CA10: variants seen among roughly 807,000 people sequenced by gnomAD.
The protein encoded by CA10 is carbonic anhydrase 10 (inactive).
CA10 carries 14 observed loss-of-function variants against 44.2 expected under a neutral mutation model. That is an observed-to-expected ratio of 0.32 (90% CI 0.21 to 0.50). The LOEUF is 0.50. Among genes scored for constraint, CA10 ranks in the 20% least tolerant of loss-of-function variants. The pLI, the probability that CA10 is intolerant of heterozygous loss-of-function variation, is 0.99. For synonymous variants in CA10, 159 were observed against 141.6 expected (o/e 1.12, Z -0.87); for missense variants, 350 against 409.7 (o/e 0.85, Z 1.26).
chr17:51,660,706 T>C (rs1913972275), intron 4 of CA10, among the ~76,000 whole-genome samples: 1 of 152,164 alleles, frequency 6.6e-6, no homozygotes, highest in South Asian at 2.1e-4. Context: ...AGACCACACG[T>C]GGCGTTCACA....
chr17:51,784,389 A>G (rs535123529), intron 3 of CA10, among the ~76,000 whole-genome samples: 1 of 152,340 alleles, frequency 6.6e-6, no homozygotes, highest in East Asian at 1.9e-4. Context: ...TTTGGAAATT[A>G]GGGAGGTTTA....
At position 52,000,133 on chromosome 17, in the gene CA10, G is replaced by A. The variant is rs557453249; in HGVS notation, c.137-69001C>T. 2.6e-5 allele frequency among the ~76,000 whole-genome samples: 4 copies of A among 152,180 alleles called. No individual in the cohort carries two copies. The South Asian group carries it at 8.3e-4, about 32-fold the overall frequency. ...ATAATCATAAGCTAAATTAACAGGT[G>A]ATGCTGTTGTGAAGGTAAGAATCAC... On this transcript the variant is annotated intron_variant, in intron 2 of 8. Coordinates refer to ENST00000451037, the MANE Select transcript of CA10 (RefSeq NM_020178.5).
intron 3 of CA10, among the ~76,000 whole-genome samples, chr17:51,800,675 CA>C (rs1233275054): frequency 6.6e-6 from 1 of 152,064 alleles, no homozygotes; most frequent in African/African-American, 2.4e-5. Flanking sequence ...TTAACTATGA[CA>C]GATCATCAAT....
intron 4 of CA10, among the ~76,000 whole-genome samples, chr17:51,686,086 G>A (rs375165990): frequency 6.9e-4 from 78 of 113,088 alleles, no homozygotes; most frequent in African/African-American, 1.7e-3. Context: ...ATCATGGGTC[G>A]GGGGGGGCGT....
intron 6 of CA10, among the ~76,000 whole-genome samples, chr17:51,647,470 C>G (rs539303630): frequency 2.0e-5 from 3 of 152,056 alleles, no homozygotes; most frequent in Non-Finnish European, 4.4e-5. Context: ...TCTTCCCTGC[C>G]TCCCCTTCCT....
intron 3 of CA10, among the ~76,000 whole-genome samples, chr17:51,798,942 G>T (rs1360546791): frequency 1.3e-5 from 2 of 152,194 alleles, no homozygotes; most frequent in Admixed American, 6.5e-5. Flanking sequence ...GTGGGTACAG[G>T]ATACATTGCA....
chr17:51,754,400 GATATATAT>G (rs56145404), intron 3 of CA10, among the ~76,000 whole-genome samples: 3,320 of 72,792 alleles, frequency 0.046, 134 homozygotes, highest in South Asian at 0.055. Flanking sequence ...GTGTGTGTGT[GATATATAT>G]ATATATATAT....
At chr17:52,062,962 G>C (rs1352595381) in intron 2 of CA10, among the ~76,000 whole-genome samples, 1 of 152,254 alleles carries the variant, frequency 6.6e-6, no homozygotes, top group African/African-American at 2.4e-5. Context: ...ATTCCAAACT[G>C]TAAAAGCAGC....
intron 4 of CA10, among the ~76,000 whole-genome samples, chr17:51,685,130 C>T (rs770522027): frequency 1.3e-5 from 2 of 152,186 alleles, no homozygotes; most frequent in African/African-American, 4.8e-5. Flanking sequence ...CCAGAAATAT[C>T]CCTTACAATT....
At chr17:51,827,768 T>C (rs1908083489) in intron 3 of CA10, among the ~76,000 whole-genome samples, 1 of 152,194 alleles carries the variant, frequency 6.6e-6, no homozygotes, top group Non-Finnish European at 1.5e-5. Context: ...GCTAGCTCTT[T>C]ACCAAGCCTG....
At chr17:51,667,189 C>T (rs953293288) in intron 4 of CA10, among the ~76,000 whole-genome samples, 4 of 152,296 alleles carry the variant, frequency 2.6e-5, no homozygotes, top group Admixed American at 1.3e-4. Context: ...GAATGCACCA[C>T]ATTGAAAAAG....
chr17:51,648,980 G>T (rs1913450164), intron 6 of CA10, among the ~76,000 whole-genome samples: 1 of 152,008 alleles, frequency 6.6e-6, no homozygotes, highest in Non-Finnish European at 1.5e-5. Context: ...CTTAGGCATG[G>T]ATGACAAAGG....
chr17:52,097,155 T>C (rs924764084), intron 1 of CA10, among the ~76,000 whole-genome samples: 3 of 152,150 alleles, frequency 2.0e-5, no homozygotes, highest in African/African-American at 7.2e-5. Flanking sequence ...GATTGCTTAA[T>C]TGTAGAGTAT....
intron 2 of CA10, among the ~76,000 whole-genome samples, chr17:52,052,153 G>T (rs1049361626): frequency 2.0e-5 from 3 of 151,764 alleles, no homozygotes. Flanking sequence ...GGGAAGGGAG[G>T]AGGGATCAGG....
intron 1 of CA10, among the ~76,000 whole-genome samples, chr17:52,152,715 T>C (rs916145315): frequency 3.9e-5 from 6 of 152,150 alleles, no homozygotes; most frequent in African/African-American, 7.2e-5. Flanking sequence ...TTTGCTTCTA[T>C]AACTATATCT....
Position 51,901,682 on chromosome 17 carries a change from A to T in CA10, c.279+29308T>A, listed in dbSNP as rs1432831612. ...AGCTGAGATTGCGCCACTGCACTCTAGTCTGGGTGACAGAGTGAGACTCCA... is the reference window on the plus strand; with the variant it reads ...AGCTGAGATTGCGCCACTGCACTCTTGTCTGGGTGACAGAGTGAGACTCCA... On this transcript the variant is annotated intron_variant, in intron 3 of 8. Coordinates refer to ENST00000451037, the MANE Select transcript of CA10 (RefSeq NM_020178.5). 2.0e-5 allele frequency among the ~76,000 whole-genome samples: 3 copies of T among 152,148 alleles called. No individual in the cohort carries two copies. In the East Asian group the frequency reaches 5.8e-4, roughly 29 times the overall value.
intron 4 of CA10, among the ~76,000 whole-genome samples, chr17:51,740,222 T>A (rs904674378): frequency 2.0e-5 from 3 of 152,116 alleles, no homozygotes; most frequent in African/African-American, 7.2e-5. Flanking sequence ...TATGGGGAGA[T>A]ATTTAAAAAC....
chr17:51,931,153 T>C, intron 2 of CA10, 21 bp from the exon 3 acceptor site: 1 of 1,612,272 alleles, frequency 6.2e-7, no homozygotes, highest in Non-Finnish European at 8.5e-7. Context: ...AAAGAAATTA[T>C]AGAATTAGGC....
At chr17:51,660,608 G>A (rs145200228) in intron 4 of CA10, among the ~76,000 whole-genome samples, 2 of 152,336 alleles carry the variant, frequency 1.3e-5, no homozygotes, top group African/African-American at 4.8e-5. Context: ...AACAGGCTGT[G>A]TTCTCAGACC....
Sources: allele counts gnomAD v4.1 joint callset (sites outside exome capture counted in the v4.1 genomes callset), GRCh38; gene constraint gnomAD v4.1.1; transcripts MANE v1.5; gene names NCBI Gene and HGNC (gene_info 2026-07-23, HGNC 2026-07-21).